The following SLC25A26 variants were observed in gnomAD, a reference collection of about 807,000 sequenced individuals.
SLC25A26 encodes mitochondrial S-adenosylmethionine carrier protein.
A neutral mutation model predicts 37.8 loss-of-function variants in SLC25A26; 36 were observed. The observed-to-expected ratio is 0.95, with a 90% CI of 0.73 to 1.26. The LOEUF is 1.26. SLC25A26 is among the 50% of genes most tolerant of loss of function. SLC25A26 has a pLI of 0.00. For missense variants in SLC25A26, 390 were observed against 331.1 expected (o/e 1.18, Z -1.38); for synonymous variants, 129 against 122.5 (o/e 1.05, Z -0.35).
At chr3:66,375,545 C>T (rs1483643306) in intron 9 of SLC25A26, among the ~76,000 whole-genome samples, 1 of 152,136 alleles carries the variant, frequency 6.6e-6, no homozygotes, top group Non-Finnish European at 1.5e-5. Flanking sequence ...ATTGACTCTT[C>T]TGAAAATCCT....
intron 6 of SLC25A26, among the ~76,000 whole-genome samples, chr3:66,350,276 C>T (rs763448374): frequency 5.3e-5 from 8 of 152,162 alleles, no homozygotes; most frequent in Non-Finnish European, 1.0e-4. Context: ...TTAAATTCAA[C>T]TCTGTCTAAA....
At chr3:66,209,779 GTA>G (rs1380454669) in intron 1 of SLC25A26, among the ~76,000 whole-genome samples, 1,494 of 121,670 alleles carry the variant, frequency 0.012, 33 homozygotes, top group African/African-American at 0.039. Context: ...ATCTATAAAG[GTA>G]TATATATATA....
rs1053878751 is a variant in SLC25A26, at chr3:66,322,003, C to T, written c.454-24361C>T. Reference sequence around the variant, plus strand: ...ATTAAGCCATTCATGAGGGTGGTGCCCCCATGACCCAAGTACCTCCCATTC... The same window carrying T: ...ATTAAGCCATTCATGAGGGTGGTGCTCCCATGACCCAAGTACCTCCCATTC... On this transcript the variant is annotated intron_variant, in intron 5 of 9. Coordinates refer to ENST00000354883, the MANE Select transcript of SLC25A26 (RefSeq NM_001379210.1). Among the ~76,000 whole-genome samples the T allele has an allele frequency of 2.0e-5, 3 of 152,046 alleles. No homozygotes were observed. The South Asian group carries it at 6.2e-4, about 32-fold the overall frequency.
At chr3:66,178,708 T>A (rs2070637445) in intron 1 of SLC25A26, among the ~76,000 whole-genome samples, 1 of 152,180 alleles carries the variant, frequency 6.6e-6, no homozygotes, top group Non-Finnish European at 1.5e-5. Flanking sequence ...TTTGTTAACG[T>A]TATGAATCAT....
At chr3:66,285,488 C>A (rs1576795038) in intron 5 of SLC25A26, among the ~76,000 whole-genome samples, 1 of 150,064 alleles carries the variant, frequency 6.7e-6, no homozygotes, top group Admixed American at 6.7e-5. Flanking sequence ...GTAATAAATT[C>A]TTTTAAATAA....
chr3:66,220,788 T>G (rs2106862233), upstream of SLC25A26: 1 of 489,222 alleles, frequency 2.0e-6, no homozygotes, highest in African/African-American at 2.0e-5. Context: ...CTCCTGGATC[T>G]CGGCCACGGA....
intron 1 of SLC25A26, among the ~76,000 whole-genome samples, chr3:66,141,177 G>A (rs79463030): frequency 6.6e-6 from 1 of 151,108 alleles, no homozygotes; most frequent in Non-Finnish European, 1.5e-5. Flanking sequence ...CAAGTTGTTA[G>A]CATTGGGGGA....
intron 1 of SLC25A26, among the ~76,000 whole-genome samples, chr3:66,155,356 T>TA (rs1296474141): frequency 6.6e-6 from 1 of 151,752 alleles, no homozygotes; most frequent in African/African-American, 2.4e-5. Flanking sequence ...CATAAAAAAA[T>TA]AAAAAAATTA....
At chr3:66,310,720 G>A (rs973144636) in intron 5 of SLC25A26, among the ~76,000 whole-genome samples, 3 of 152,162 alleles carry the variant, frequency 2.0e-5, no homozygotes, top group Non-Finnish European at 2.9e-5. Flanking sequence ...TTGCTTGTCT[G>A]TAAAGGATTT....
At chr3:66,241,967 C>T (rs559607597) in intron 2 of SLC25A26, among the ~76,000 whole-genome samples, 1 of 152,060 alleles carries the variant, frequency 6.6e-6, no homozygotes, top group Non-Finnish European at 1.5e-5. Context: ...AGCCCAGCCC[C>T]TATTCTTTGC....
chr3:66,174,738 A>G (rs2106739376), intron 1 of SLC25A26, among the ~76,000 whole-genome samples: 1 of 151,778 alleles, frequency 6.6e-6, no homozygotes, highest in East Asian at 1.9e-4. Flanking sequence ...GTGAGCCGAG[A>G]TCGCGCCACT....
intron 5 of SLC25A26, among the ~76,000 whole-genome samples, chr3:66,274,149 A>G (rs1350958918): frequency 1.3e-5 from 2 of 151,144 alleles, no homozygotes; most frequent in Non-Finnish European, 3.0e-5. Context: ...AGCAATGGGG[A>G]AAGGATTCCC....
At chr3:66,238,750 A>G (rs1457971967) in intron 2 of SLC25A26, among the ~76,000 whole-genome samples, 1 of 152,140 alleles carries the variant, frequency 6.6e-6, no homozygotes, top group African/African-American at 2.4e-5. Flanking sequence ...ACGTATATTC[A>G]GTAAGTGGAA....
At chr3:66,160,349 C>T (rs1005199785) in intron 1 of SLC25A26, among the ~76,000 whole-genome samples, 3 of 152,156 alleles carry the variant, frequency 2.0e-5, no homozygotes, top group Non-Finnish European at 2.9e-5. Flanking sequence ...GTTCTGTCCC[C>T]CATTTCACCA....
At chr3:66,197,772 G>C (rs2071064317) in intron 1 of SLC25A26, among the ~76,000 whole-genome samples, 1 of 151,990 alleles carries the variant, frequency 6.6e-6, no homozygotes, top group African/African-American at 2.4e-5. Flanking sequence ...GGGTTATTGT[G>C]AGATGAGAGG....
upstream of SLC25A26, among the ~76,000 whole-genome samples, chr3:66,220,444 C>A (rs946382694): frequency 2.6e-5 from 4 of 152,122 alleles, no homozygotes; most frequent in Non-Finnish European, 5.9e-5. Context: ...ACAACATGAG[C>A]AGGTAAATAA....
chr3:66,233,069 G>A (rs185402151), intron 1 of SLC25A26, among the ~76,000 whole-genome samples: 126 of 152,316 alleles, frequency 8.3e-4, no homozygotes, highest in Non-Finnish European at 1.5e-3. Flanking sequence ...CTTAGCTGTC[G>A]TTTAGGCCAG....
intron 1 of SLC25A26, among the ~76,000 whole-genome samples, chr3:66,234,067 G>T (rs1175965324): frequency 6.7e-6 from 1 of 149,298 alleles, no homozygotes; most frequent in Non-Finnish European, 1.5e-5. Flanking sequence ...AAACGAGGAG[G>T]CATGCAAAAT....
chr3:66,324,181 T>A (rs1250318409), intron 5 of SLC25A26: 1 of 31,736 alleles, frequency 3.2e-5, no homozygotes. Flanking sequence ...TTAAAAAGTG[T>A]GTGTGTGTGT....
Sources: allele counts gnomAD v4.1 joint callset (sites outside exome capture counted in the v4.1 genomes callset), GRCh38; gene constraint gnomAD v4.1.1; transcripts MANE v1.5; gene names NCBI Gene and HGNC (gene_info 2026-07-23, HGNC 2026-07-21).